Variants in CCDC149 observed in about 807,000 individuals in gnomAD.
CCDC149 encodes the protein coiled-coil domain containing 149.
In CCDC149, 45 loss-of-function variants were observed where a neutral mutation model predicts 59.9. The observed-to-expected ratio is 0.75, with a 90% CI of 0.59 to 0.96. The LOEUF is 0.96. Ranked by LOEUF, CCDC149 falls within the 40% of genes least tolerant of loss-of-function variation. CCDC149 has a pLI of 0.00. For missense variants in CCDC149, 584 were observed against 664.7 expected, an observed-to-expected ratio of 0.88 and a Z score of 1.33; for synonymous variants, 245 against 260.6, an observed-to-expected ratio of 0.94 and a Z score of 0.58.
intron 1 of CCDC149, among the ~76,000 whole-genome samples, chr4:24,950,299 T>C (rs1723247538): frequency 6.6e-6 from 1 of 152,234 alleles, no homozygotes; most frequent in African/African-American, 2.4e-5. Context: ...TTCAGCCTTC[T>C]CATCTGTGAA....
At chr4:24,888,915 CTTTT>C (rs111370422) in intron 1 of CCDC149, among the ~76,000 whole-genome samples, 2 of 147,462 alleles carry the variant, frequency 1.4e-5, no homozygotes, top group Non-Finnish European at 3.0e-5. Context: ...TCTAAGATGA[CTTTT>C]TTTTTTTTAT....
intron 10 of CCDC149, 142 bp from the exon 11 acceptor site, chr4:24,821,229 G>T: frequency 5.1e-6 from 2 of 392,060 alleles, no homozygotes; most frequent in Non-Finnish European, 4.4e-6. Flanking sequence ...ATAAACTGTA[G>T]AAATGAAACA....
At chr4:24,863,123 T>A (rs1267117007) in intron 3 of CCDC149, among the ~76,000 whole-genome samples, 5 of 151,880 alleles carry the variant, frequency 3.3e-5, no homozygotes, top group Admixed American at 3.3e-4. Flanking sequence ...CAAAACCCCA[T>A]CTCTATTAAA....
intron 9 of CCDC149, chr4:24,827,086 C>T (rs573976776): frequency 6.6e-6 from 1 of 152,286 alleles, no homozygotes; most frequent in African/African-American, 2.4e-5. Context: ...CAGATGGCTT[C>T]CCTGCAGTGG....
intron 1 of CCDC149, among the ~76,000 whole-genome samples, chr4:24,909,657 C>A (rs1040993613): frequency 6.6e-6 from 1 of 152,112 alleles, no homozygotes; most frequent in South Asian, 2.1e-4. Flanking sequence ...GTGGGAGGGA[C>A]CTGGTGGGAG....
intron 1 of CCDC149, among the ~76,000 whole-genome samples, chr4:24,880,980 A>G (rs1450813165): frequency 3.3e-5 from 5 of 152,210 alleles, no homozygotes; most frequent in Non-Finnish European, 1.5e-5. Context: ...GTGCAGGAGA[A>G]AGCACGGGGT....
At chr4:24,867,621 G>A (rs894389308) in intron 3 of CCDC149, among the ~76,000 whole-genome samples, 2 of 152,242 alleles carry the variant, frequency 1.3e-5, no homozygotes, top group Non-Finnish European at 2.9e-5. Flanking sequence ...TAGAATGGCT[G>A]TAGGTCTGTG....
chr4:24,958,930 C>T (rs550772625), intron 1 of CCDC149, among the ~76,000 whole-genome samples: 6 of 150,300 alleles, frequency 4.0e-5, no homozygotes, highest in South Asian at 2.3e-4. Context: ...GAGGCTGAGG[C>T]GCTGAGGCAC....
intron 1 of CCDC149, among the ~76,000 whole-genome samples, chr4:24,954,211 TAGACAGCTTCA>T (rs1292590722): frequency 6.6e-6 from 1 of 152,174 alleles, no homozygotes; most frequent in Non-Finnish European, 1.5e-5. Context: ...AAAAGACCCA[TAGACAGCTTCA>T]AGACAGCCCT....
At chr4:24,876,791 T>C in intron 1 of CCDC149, 94 bp from the exon 2 acceptor site, 1 of 1,311,426 alleles carries the variant, frequency 7.6e-7, no homozygotes, top group Non-Finnish European at 1.0e-6. Flanking sequence ...GGGGAATTTT[T>C]GCCATTCTCA....
At chr4:24,958,243 A>G (rs1343043914) in intron 1 of CCDC149, among the ~76,000 whole-genome samples, 1 of 152,232 alleles carries the variant, frequency 6.6e-6, no homozygotes, top group African/African-American at 2.4e-5. Context: ...GAAGAGTCCA[A>G]CTAGCCACAT....
At chr4:24,956,576 C>G (rs1197585760) in intron 1 of CCDC149, among the ~76,000 whole-genome samples, 2 of 152,214 alleles carry the variant, frequency 1.3e-5, no homozygotes, top group Admixed American at 1.3e-4. Flanking sequence ...GATATCATAG[C>G]AATTGGGCCC....
At chr4:24,866,843 ACG>A (rs1491382405) in intron 3 of CCDC149, among the ~76,000 whole-genome samples, 59 of 150,080 alleles carry the variant, frequency 3.9e-4, no homozygotes, top group Non-Finnish European at 7.3e-4. Flanking sequence ...ACACACACAC[ACG>A]TGCATATATA....
intron 1 of CCDC149, among the ~76,000 whole-genome samples, chr4:24,964,560 C>T (rs985518335): frequency 5.9e-5 from 9 of 151,908 alleles, no homozygotes; most frequent in Non-Finnish European, 1.5e-5. Flanking sequence ...TTTGAGATAC[C>T]CCTAAAGCAA....
intron 1 of CCDC149, among the ~76,000 whole-genome samples, chr4:24,976,223 G>A (rs1309882256): frequency 6.6e-6 from 1 of 152,008 alleles, no homozygotes; most frequent in Non-Finnish European, 1.5e-5. Context: ...AATCTATCTG[G>A]GCCCCTTAGA....
intron 1 of CCDC149, among the ~76,000 whole-genome samples, chr4:24,959,170 T>C (rs1231653898): frequency 6.6e-6 from 1 of 152,150 alleles, no homozygotes; most frequent in African/African-American, 2.4e-5. Context: ...GAGATGGTGT[T>C]TCACCATGTT....
intron 1 of CCDC149, among the ~76,000 whole-genome samples, chr4:24,974,298 G>C (rs911840994): frequency 6.6e-6 from 1 of 152,174 alleles, no homozygotes; most frequent in East Asian, 1.9e-4. Context: ...ATTTGCCCCC[G>C]CCCTGAGTCA....
At chr4:24,916,223 GT>G (rs2109333730), upstream of CCDC149, among the ~76,000 whole-genome samples, 1 of 152,278 alleles carries the variant, frequency 6.6e-6, no homozygotes, top group South Asian at 2.1e-4. Context: ...CCCGGGACCA[GT>G]TTTATTGATT....
intron 1 of CCDC149, among the ~76,000 whole-genome samples, chr4:24,903,030 A>AAAAAG (rs1721267566): frequency 8.6e-6 from 1 of 115,982 alleles, no homozygotes; most frequent in African/African-American, 3.0e-5. Flanking sequence ...AACTCAAAAA[A>AAAAAG]AAAAAAAAAA....
Sources: gnomAD v4.1 joint callset for allele counts (sites outside exome capture counted in the v4.1 genomes callset) on GRCh38, gnomAD v4.1.1 for gene constraint, MANE v1.5 for transcripts, NCBI Gene and HGNC (gene_info 2026-07-23, HGNC 2026-07-21) for gene names.